APH1B: variants seen among roughly 807,000 people sequenced by gnomAD.
The protein encoded by APH1B is aph-1B gamma-secretase subunit, also known as gamma-secretase subunit APH-1B.
A neutral mutation model predicts 28.2 loss-of-function variants in APH1B; 27 were observed. That is an observed-to-expected ratio of 0.96 (90% CI 0.70 to 1.32). APH1B has a LOEUF of 1.32. APH1B is among the 40% of genes most tolerant of loss of function. The pLI is 0.00. For missense variants in APH1B, 305 were observed against 313.6 expected (o/e 0.97, Z 0.21); for synonymous variants, 141 against 124.6 (o/e 1.13, Z -0.88).
Position 63,304,930 on chromosome 15 carries a change from T to C in APH1B, c.607-684T>C, listed in dbSNP as rs1029260020. Among the ~76,000 whole-genome samples, 4 of 152,242 alleles carry C rather than the reference T, an allele frequency of 2.6e-5. No individual in the cohort carries two copies. The highest frequency in any genetic ancestry group is 7.2e-5 in the African/African-American group (3 of 41,462). Reference sequence around the variant, plus strand: ...CAGTCTTTCTGCATAAGGTGCTACCTGTAAAATCTACCACTTTCTTCAGGC... The same window carrying C: ...CAGTCTTTCTGCATAAGGTGCTACCCGTAAAATCTACCACTTTCTTCAGGC... On this transcript the variant is annotated intron_variant, in intron 5 of 5. Coordinates refer to ENST00000261879, the MANE Select transcript of APH1B (RefSeq NM_031301.4). The surrounding 1 kb of genome is among the most constrained non-coding windows in gnomAD (Gnocchi z 5.1).
chr15:63,286,440 C>T, intron 2 of APH1B, 118 bp from the exon 3 acceptor site: 1 of 816,542 alleles, frequency 1.2e-6, no homozygotes. Flanking sequence ...AGAGTATAAC[C>T]TGATGCAAAG....
In APH1B at chr15:63,287,451, G is replaced by A. The variant is rs779603722; in HGVS notation, c.383G>A (p.Ser128Asn). ...YVSGLGFGIM[S>N]GVFSFVNTLS... ...TCTGGCTTGGGCTTTGGAATCATGA[G>A]TGGAGTATTTTCCTTTGTGAATACC... The change falls in exon 4 of 6, where the codon AGT (serine) becomes AAT (asparagine). Residue 128 changes from serine (S) to asparagine (N), a missense_variant. Physicochemically the swap from Ser to Asn is conservative, Grantham distance 46. Coordinates refer to ENST00000261879, the MANE Select transcript of APH1B (RefSeq NM_031301.4). 3.1e-6 allele frequency: 5 copies of A among 1,614,012 alleles called. No homozygotes were observed. The highest frequency in any genetic ancestry group is 1.7e-5 in the Admixed American group (1 of 60,014).
chr15:63,301,863 G>A (rs1055747120), intron 4 of APH1B, among the ~76,000 whole-genome samples: 7 of 152,008 alleles, frequency 4.6e-5, no homozygotes, highest in Non-Finnish European at 2.9e-5. Flanking sequence ...TGCCTGCCTC[G>A]GCCTCCCAAA....
chr15:63,279,901 G>A (rs577887361), intron 2 of APH1B, among the ~76,000 whole-genome samples: 150 of 151,604 alleles, frequency 9.9e-4, no homozygotes, highest in African/African-American at 3.5e-3. Flanking sequence ...GGGTTCAAGC[G>A]ATTCTCCTGC....
intron 4 of APH1B, among the ~76,000 whole-genome samples, chr15:63,300,357 A>G (rs1353852403): frequency 6.6e-6 from 1 of 152,228 alleles, no homozygotes; most frequent in East Asian, 1.9e-4. Flanking sequence ...CAAACAGATG[A>G]CACCTTAATG....
chr15:63,284,565 C>G (rs1395774078), intron 2 of APH1B, among the ~76,000 whole-genome samples: 1 of 73,372 alleles, frequency 1.4e-5, no homozygotes, highest in African/African-American at 5.7e-5. Flanking sequence ...TTGTTTACAC[C>G]AACATCACCA....
intron 5 of APH1B, 127 bp downstream of exon 5, chr15:63,302,599 G>A: frequency 7.9e-7 from 1 of 1,267,320 alleles, no homozygotes; most frequent in Non-Finnish European, 1.1e-6. Flanking sequence ...AGCTATTTAA[G>A]TGAATGAATG....
rs531012349 is a variant in APH1B, at chr15:63,300,162, G to A, written c.479-2183G>A. On this transcript the variant is annotated intron_variant, in intron 4 of 5. Coordinates refer to ENST00000261879, the MANE Select transcript of APH1B (RefSeq NM_031301.4). ...GTCTTCCTCTGGTATCTGGTCAGGG[G>A]TCAAGAAGCTCTGGTGCCATCTCGA... Among the ~76,000 whole-genome samples, 43 of 152,166 alleles carry A rather than the reference G, an allele frequency of 2.8e-4. 1 individual carries two copies. In the South Asian group the frequency reaches 8.9e-3, roughly 32 times the overall value.
In APH1B at chr15:63,308,637, A is replaced by G. The variant is rs371272708; in HGVS notation, c.*2856A>G. Reference sequence around the variant, plus strand: ...CTTCTTCCTACCTGGTACTCCTCCCATTCACCTCAGCCCAGCCCCAGACAG... The same window carrying G: ...CTTCTTCCTACCTGGTACTCCTCCCGTTCACCTCAGCCCAGCCCCAGACAG... On this transcript the variant is annotated 3_prime_UTR_variant, in exon 6 of 6. Coordinates refer to ENST00000261879, the MANE Select transcript of APH1B (RefSeq NM_031301.4). 6.6e-6 allele frequency: 1 copy of G among 152,304 alleles called. No individual in the cohort carries two copies. Among genetic ancestry groups the G allele is most frequent in the East Asian group, 1.9e-4 (1 of 5,202 alleles). 9.4% of individuals were successfully genotyped at this position (152,304 alleles called of 1,614,324 possible).
intron 1 of APH1B, chr15:63,278,079 T>G (rs751112273): frequency 5.7e-5 from 22 of 386,544 alleles, no homozygotes; most frequent in African/African-American, 2.9e-4. Flanking sequence ...CTCAAAGGCA[T>G]GTGTAATCCC....
At chr15:63,286,524 T>C (rs201200193) in intron 2 of APH1B, 34 bp from the exon 3 acceptor site, 282 of 1,526,306 alleles carry the variant, frequency 1.8e-4, no homozygotes, top group Middle Eastern at 8.5e-4. Flanking sequence ...TTTTTTTTTT[T>C]TTCTTCTTAA....
rs943813222 is a variant in APH1B, at chr15:63,308,513, A to G, written c.*2732A>G. On this transcript the variant is annotated 3_prime_UTR_variant, in exon 6 of 6. Coordinates refer to ENST00000261879, the MANE Select transcript of APH1B (RefSeq NM_031301.4). ...TCCCAGCGTTAACATTTTCTTCTCA[A>G]TCACATTTCAATGTTTGTGGAGAGT... 6.6e-5 allele frequency: 10 copies of G among 152,236 alleles called. No individual in the cohort carries two copies. Among genetic ancestry groups the G allele is most frequent in the Non-Finnish European group, 1.5e-5 (1 of 68,040 alleles). 9.4% of individuals were successfully genotyped at this position (152,236 alleles called of 1,614,324 possible). A position where few individuals can be genotyped will look rare whatever the true frequency, so the allele number is the denominator to read the frequency against.
intron 2 of APH1B, among the ~76,000 whole-genome samples, chr15:63,284,633 A>AT (rs1268970990): frequency 4.7e-4 from 72 of 152,296 alleles, no homozygotes; most frequent in African/African-American, 1.7e-3. Context: ...GGCAATAGGG[A>AT]TTTTTTAGCT....
intron 4 of APH1B, among the ~76,000 whole-genome samples, chr15:63,289,554 G>A (rs12912185): frequency 6.8e-4 from 103 of 152,130 alleles, no homozygotes; most frequent in East Asian, 2.7e-3. Flanking sequence ...TTCCTTCACC[G>A]ACATGACGCC....
chr15:63,307,401 AG>A lies in APH1B; in HGVS notation c.*1623del, dbSNP rs1290439900. The stretch of plus-strand genomic sequence containing the variant: ...GAGATAATAGAGATAAAAGAAGAGG[AG>A]GGCTTCTATCAATGCTGTAAACAGT... On this transcript the variant is annotated 3_prime_UTR_variant, in exon 6 of 6. Coordinates refer to ENST00000261879, the MANE Select transcript of APH1B (RefSeq NM_031301.4). 6.6e-6 allele frequency: 1 copy of A among 152,166 alleles called. No individual in the cohort carries two copies. Among genetic ancestry groups the A allele is most frequent in the African/African-American group, 2.4e-5 (1 of 41,438 alleles). 9.4% of individuals were successfully genotyped at this position (152,166 alleles called of 1,614,324 possible). A position where few individuals can be genotyped will look rare whatever the true frequency, so the allele number is the denominator to read the frequency against.
intron 4 of APH1B, among the ~76,000 whole-genome samples, chr15:63,293,997 T>C (rs1340288450): frequency 1.3e-5 from 2 of 152,034 alleles, no homozygotes; most frequent in African/African-American, 2.4e-5. Context: ...ACTCCTGGGC[T>C]CAAGTGATTC....
At chr15:63,295,160 C>T (rs2038551628) in intron 4 of APH1B, among the ~76,000 whole-genome samples, 1 of 152,206 alleles carries the variant, frequency 6.6e-6, no homozygotes, top group African/African-American at 2.4e-5. Context: ...TTGTTTGGAG[C>T]AAACATTTAA....
intron 1 of APH1B, 68 bp downstream of exon 1, chr15:63,277,804 C>A: frequency 2.0e-6 from 3 of 1,467,158 alleles, no homozygotes; most frequent in African/African-American, 1.4e-5. Context: ...ACCCGCGACC[C>A]TCGGCGCCCC....
rs200884105 is a variant in APH1B, at chr15:63,306,370, A to C, written c.*589A>C. The C allele has an allele frequency of 6.6e-6, 1 of 152,366 alleles. No individual in the cohort carries two copies. Among genetic ancestry groups the C allele is most frequent in the Non-Finnish European group, 1.5e-5 (1 of 68,142 alleles). 9.4% of individuals were successfully genotyped at this position (152,366 alleles called of 1,614,324 possible). A position where few individuals can be genotyped will look rare whatever the true frequency, so the allele number is the denominator to read the frequency against. On this transcript the variant is annotated 3_prime_UTR_variant, in exon 6 of 6. Coordinates refer to ENST00000261879, the MANE Select transcript of APH1B (RefSeq NM_031301.4). ...AATAATAAATTACGCTGACTGTGGT[A>C]ACTTAGCCAAAGTAAGATACTGATT... is the stretch of plus-strand genomic sequence containing the variant.
Sources: allele counts gnomAD v4.1 joint callset (sites outside exome capture counted in the v4.1 genomes callset), GRCh38; gene constraint gnomAD v4.1.1; non-coding constraint Gnocchi (gnomAD v3.1); transcripts MANE v1.5; gene names NCBI Gene and HGNC (gene_info 2026-07-23, HGNC 2026-07-21).